PTPN14: variants seen among roughly 807,000 people sequenced by gnomAD.
PTPN14 encodes protein tyrosine phosphatase non-receptor type 14.
Under a neutral mutation model 126.8 loss-of-function variants are expected in PTPN14, and 53 were observed. The ratio of observed to expected loss-of-function variants is 0.42; its 90% CI spans 0.34 to 0.53. PTPN14 has a LOEUF of 0.53. Ranked by LOEUF, PTPN14 falls within the 20% of genes least tolerant of loss-of-function variation. PTPN14 has a pLI of 0.08. For synonymous variants in PTPN14, 630 were observed against 599.3 expected (o/e 1.05, Z -0.75); for missense variants, 1,257 against 1,552.9 (o/e 0.81, Z 3.20).
intron 1 of PTPN14, among the ~76,000 whole-genome samples, chr1:214,498,742 G>A (rs1417573634): frequency 6.6e-6 from 1 of 151,958 alleles, no homozygotes; most frequent in Non-Finnish European, 1.5e-5. Flanking sequence ...CAAACAATTT[G>A]GCCATATAAA....
chr1:214,532,294 G>A (rs942945168), intron 1 of PTPN14: 11 of 480,734 alleles, frequency 2.3e-5, no homozygotes, highest in African/African-American at 1.0e-4. Flanking sequence ...GCCTATGCAC[G>A]TGCCAGGGGC....
intron 1 of PTPN14, among the ~76,000 whole-genome samples, chr1:214,481,235 G>A (rs1377813923): frequency 6.6e-6 from 1 of 152,230 alleles, no homozygotes; most frequent in East Asian, 1.9e-4. Flanking sequence ...GCCGGGCGCA[G>A]TGGCTCACGC....
intron 3 of PTPN14, among the ~76,000 whole-genome samples, chr1:214,432,125 A>C (rs995776511): frequency 6.6e-6 from 1 of 152,076 alleles, no homozygotes; most frequent in Non-Finnish European, 1.5e-5. Flanking sequence ...ATGGGCCAGG[A>C]GGCTTCAGTG....
intron 1 of PTPN14, chr1:214,529,661 A>T (rs1655490731): frequency 6.6e-6 from 1 of 152,324 alleles, no homozygotes; most frequent in African/African-American, 2.4e-5. Context: ...AGGCAGGCAG[A>T]TCACTTGACG....
chr1:214,438,601 T>G (rs1432733505), intron 3 of PTPN14, among the ~76,000 whole-genome samples: 1 of 152,118 alleles, frequency 6.6e-6, no homozygotes, highest in Admixed American at 6.6e-5. Context: ...CTCAGTAGAG[T>G]TTCTAGTAGG....
At chr1:214,410,515 C>T (rs34607409) in intron 5 of PTPN14, among the ~76,000 whole-genome samples, 17,183 of 152,034 alleles carry the variant, frequency 0.11, 1,075 homozygotes, top group Middle Eastern at 0.14. Flanking sequence ...ATGGTCTCCA[C>T]CTTTTGACCT....
At chr1:214,419,849 G>A (rs954582433) in intron 3 of PTPN14, among the ~76,000 whole-genome samples, 1 of 152,132 alleles carries the variant, frequency 6.6e-6, no homozygotes, top group African/African-American at 2.4e-5. Context: ...TCCAGATAAA[G>A]GACAGGGTGG....
In PTPN14 at chr1:214,384,731, T is replaced by C; in HGVS notation, c.1124A>G (p.Asp375Gly). 6.2e-7 allele frequency: 1 copy of C among 1,614,086 alleles called. No individual in the cohort carries two copies. Among genetic ancestry groups the C allele is most frequent in the Admixed American group, 1.7e-5 (1 of 60,016 alleles). ...ALYCNSHNSL[D>G]LNYLNGTVTN... Reference sequence around the variant, plus strand: ...GACAGTGCCATTTAAATAATTTAAGTCCAGGCTGTTGTGAGAGTTGCAATA... The same window carrying C: ...GACAGTGCCATTTAAATAATTTAAGCCCAGGCTGTTGTGAGAGTTGCAATA... The change falls in exon 13 of 19, where the codon GAC becomes GGC. Residue 375 changes from aspartate (D) to glycine (G), a missense_variant. Transcript: ENST00000366956. This position sits in a 1 kb window ranked among gnomAD's most constrained non-coding sequence, Gnocchi z 5.3.
chr1:214,382,197 A>G (rs1414472982), intron 13 of PTPN14, among the ~76,000 whole-genome samples: 3 of 152,168 alleles, frequency 2.0e-5, no homozygotes, highest in Non-Finnish European at 4.4e-5. Context: ...CACAGTGCCC[A>G]GTCGAGATTT....
intron 10 of PTPN14, among the ~76,000 whole-genome samples, chr1:214,391,672 TATA>T (rs796090284): frequency 1.4e-5 from 2 of 147,960 alleles, no homozygotes; most frequent in African/African-American, 5.0e-5. Context: ...TCCCAAATGC[TATA>T]ATACTTTCCC....
At chr1:214,410,921 C>T (rs1558090692) in intron 5 of PTPN14, among the ~76,000 whole-genome samples, 1 of 152,120 alleles carries the variant, frequency 6.6e-6, no homozygotes, top group Non-Finnish European at 1.5e-5. Flanking sequence ...CTCAAAATTA[C>T]TTGGGCTATT....
chr1:214,534,606 G>A (rs180766786), intron 1 of PTPN14, among the ~76,000 whole-genome samples: 2 of 152,088 alleles, frequency 1.3e-5, no homozygotes, highest in East Asian at 3.9e-4. Flanking sequence ...CCAGCTACTT[G>A]GGTGGCTGAG....
intron 1 of PTPN14, among the ~76,000 whole-genome samples, chr1:214,547,895 T>C (rs966722183): frequency 6.6e-6 from 1 of 151,056 alleles, no homozygotes; most frequent in African/African-American, 2.5e-5. Flanking sequence ...CATGTTTATT[T>C]TGAGCCAATA....
chr1:214,363,128 T>TCA (rs1657995156), intron 18 of PTPN14, among the ~76,000 whole-genome samples: 1 of 152,228 alleles, frequency 6.6e-6, no homozygotes, highest in Non-Finnish European at 1.5e-5. Flanking sequence ...CAGAGGGCAA[T>TCA]GACATTTCTG....
At chr1:214,359,166 G>A (rs929557276) in intron 18 of PTPN14, among the ~76,000 whole-genome samples, 3 of 151,820 alleles carry the variant, frequency 2.0e-5, no homozygotes, top group Non-Finnish European at 4.4e-5. Flanking sequence ...CGCCATCTCT[G>A]AACACCAGTC....
Position 214,355,455 on chromosome 1 carries a change from G to C in PTPN14, c.*2467C>G, listed in dbSNP as rs1197317771. On this transcript the variant is annotated 3_prime_UTR_variant, in exon 19 of 19. Transcript: ENST00000366956. The stretch of plus-strand genomic sequence containing the variant: ...AGGATGGAAAAACCTCCAAGGAAAG[G>C]AAACAAGTATCTTTTTGCTTATTGA... 6.6e-6 allele frequency: 1 copy of C among 152,186 alleles called. No individual in the cohort carries two copies. The highest frequency in any genetic ancestry group is 1.9e-4 in the East Asian group (1 of 5,202). 9.4% of individuals were successfully genotyped at this position (152,186 alleles called of 1,614,324 possible).
At chr1:214,505,691 T>G (rs576785258) in intron 1 of PTPN14, among the ~76,000 whole-genome samples, 8 of 152,264 alleles carry the variant, frequency 5.3e-5, no homozygotes, top group African/African-American at 1.9e-4. Context: ...AATTCAGAAA[T>G]TTGAGACATG....
intron 10 of PTPN14, among the ~76,000 whole-genome samples, chr1:214,391,716 A>AC (rs1047413470): frequency 1.3e-5 from 2 of 151,496 alleles, no homozygotes; most frequent in Non-Finnish European, 1.5e-5. Context: ...AAAAAAAAAA[A>AC]AAAACCCAGG....
intron 3 of PTPN14, among the ~76,000 whole-genome samples, chr1:214,424,492 C>A (rs1313126523): frequency 6.6e-6 from 1 of 151,564 alleles, no homozygotes; most frequent in Non-Finnish European, 1.5e-5. Context: ...ATAGCATGGA[C>A]CTGTGGTGAG....
Sources: gnomAD v4.1 joint callset for allele counts (sites outside exome capture counted in the v4.1 genomes callset) on GRCh38, gnomAD v4.1.1 for gene constraint, Gnocchi (gnomAD v3.1) non-coding constraint, MANE v1.5 for transcripts, NCBI Gene and HGNC (gene_info 2026-07-23, HGNC 2026-07-21) for gene names.